BNC2: variants seen among roughly 807,000 people sequenced by gnomAD.
The protein encoded by BNC2 is zinc finger protein basonuclin-2.
Under a neutral mutation model 76.3 loss-of-function variants are expected in BNC2, and 20 were observed. The observed-to-expected ratio is 0.26, with a 90% CI of 0.18 to 0.38. The LOEUF is 0.38. Among genes scored for constraint, BNC2 ranks in the 10% least tolerant of loss-of-function variants. BNC2 has a pLI of 1.00. For synonymous variants in BNC2, 582 were observed against 514.8 expected, an observed-to-expected ratio of 1.13 and a Z score of -1.77; for missense variants, 1,382 against 1,399.8, an observed-to-expected ratio of 0.99 and a Z score of 0.20.
At chr9:16,595,295 T>C (rs1820035802) in intron 3 of BNC2, among the ~76,000 whole-genome samples, 1 of 152,150 alleles carries the variant, frequency 6.6e-6, no homozygotes, top group African/African-American at 2.4e-5. Context: ...TAAAAGAATA[T>C]GTTTCTTCAC....
chr9:16,778,645 G>C (rs1280337672), intron 1 of BNC2, among the ~76,000 whole-genome samples: 4 of 152,186 alleles, frequency 2.6e-5, no homozygotes, highest in Non-Finnish European at 4.4e-5. Flanking sequence ...AGTGCACATT[G>C]GACCGCAGAG....
At chr9:16,586,127 T>C (rs1563851243) in intron 3 of BNC2, among the ~76,000 whole-genome samples, 1 of 151,998 alleles carries the variant, frequency 6.6e-6, no homozygotes, top group Non-Finnish European at 1.5e-5. Flanking sequence ...TCAAAGTTTG[T>C]CGTTCACAGA....
intron 3 of BNC2, among the ~76,000 whole-genome samples, chr9:16,615,634 A>G (rs750452989): frequency 6.6e-6 from 1 of 152,168 alleles, no homozygotes; most frequent in Admixed American, 6.5e-5. Context: ...TCGAACCTAT[A>G]AAAACATTCA....
intron 1 of BNC2, among the ~76,000 whole-genome samples, chr9:16,756,488 C>A (rs182335181): frequency 6.6e-6 from 1 of 152,204 alleles, no homozygotes; most frequent in Non-Finnish European, 1.5e-5. Flanking sequence ...CCTTTTTCTC[C>A]CTTCCAATAC....
At chr9:16,728,130 T>G (rs368754184) in intron 2 of BNC2, 133 bp from the exon 3 acceptor site, 13 of 778,458 alleles carry the variant, frequency 1.7e-5, no homozygotes, top group Middle Eastern at 3.5e-4. Flanking sequence ...GGTCAGAGCT[T>G]CTTTCGCACC....
intron 3 of BNC2, among the ~76,000 whole-genome samples, chr9:16,677,731 A>G (rs1822695158): frequency 1.3e-5 from 2 of 152,144 alleles, no homozygotes; most frequent in South Asian, 4.1e-4. Context: ...GGAGAGGGTA[A>G]CCCAGAGCTG....
intron 3 of BNC2, among the ~76,000 whole-genome samples, chr9:16,678,018 T>C (rs951885784): frequency 4.0e-5 from 6 of 151,844 alleles, no homozygotes; most frequent in African/African-American, 1.5e-4. Context: ...TCTGTGACGG[T>C]AGAGGATGAG....
At chr9:16,550,845 C>T (rs954386690) in intron 5 of BNC2, among the ~76,000 whole-genome samples, 2 of 152,170 alleles carry the variant, frequency 1.3e-5, no homozygotes, top group Non-Finnish European at 2.9e-5. Flanking sequence ...CAGTTCCATA[C>T]AAACAACTGT....
rs555306631 is a variant in BNC2 at position 16,468,346 on chromosome 9, T to C, written c.670-30822A>G. On this transcript the variant is annotated intron_variant, in intron 5 of 6. Coordinates refer to ENST00000380672, the MANE Select transcript of BNC2 (RefSeq NM_017637.6). Reference sequence around the variant, plus strand: ...TAGCTAATATGTTTTGAACATTTGTTTTCCACCAAGTATTCTGCTAGGTAT... The same window carrying C: ...TAGCTAATATGTTTTGAACATTTGTCTTCCACCAAGTATTCTGCTAGGTAT... 6.6e-5 allele frequency among the ~76,000 whole-genome samples: 10 copies of C among 152,246 alleles called. No homozygotes were observed. In the South Asian group the frequency reaches 1.9e-3, roughly 28 times the overall value.
In BNC2 at chr9:16,465,615, A is replaced by C. The variant is rs189192001; in HGVS notation, c.670-28091T>G. On this transcript the variant is annotated intron_variant, in intron 5 of 6. Coordinates refer to ENST00000380672, the MANE Select transcript of BNC2 (RefSeq NM_017637.6). ...TTCAAATTACATACACGTACTTACA[A>C]TACTAATATTTAATGCCTTATAAAT... is the stretch of plus-strand genomic sequence containing the variant. 3.9e-5 allele frequency among the ~76,000 whole-genome samples: 6 copies of C among 152,290 alleles called. No homozygotes were observed. In the East Asian group the frequency reaches 1.2e-3, roughly 29 times the overall value.
intron 3 of BNC2, among the ~76,000 whole-genome samples, chr9:16,611,868 T>C (rs1820556672): frequency 6.6e-6 from 1 of 152,272 alleles, no homozygotes; most frequent in Non-Finnish European, 1.5e-5. Context: ...AAATTTATCA[T>C]ATAAATGTCT....
chr9:16,621,057 T>C (rs184311347), intron 3 of BNC2, among the ~76,000 whole-genome samples: 1 of 152,330 alleles, frequency 6.6e-6, no homozygotes, highest in East Asian at 1.9e-4. Context: ...AAATTGAGCC[T>C]GGTGACAGCA....
chr9:16,539,834 G>A (rs1818264021), intron 5 of BNC2, among the ~76,000 whole-genome samples: 3 of 149,732 alleles, frequency 2.0e-5, no homozygotes, highest in East Asian at 3.9e-4. Context: ...GAAAGGAAGG[G>A]AAGGGAAGGG....
At chr9:16,537,005 C>G (rs1818149991) in intron 5 of BNC2, among the ~76,000 whole-genome samples, 1 of 152,068 alleles carries the variant, frequency 6.6e-6, no homozygotes, top group Admixed American at 6.6e-5. Context: ...ATCTATAAAT[C>G]TCACTACTAT....
At chr9:16,755,308 A>T (rs1404552531) in intron 1 of BNC2, among the ~76,000 whole-genome samples, 1 of 152,156 alleles carries the variant, frequency 6.6e-6, no homozygotes, top group Non-Finnish European at 1.5e-5. Context: ...GAGAATGCAT[A>T]ATCAGTGAAC....
chr9:16,474,857 C>T (rs1563800734), intron 5 of BNC2, among the ~76,000 whole-genome samples: 1 of 152,034 alleles, frequency 6.6e-6, no homozygotes, highest in Non-Finnish European at 1.5e-5. Context: ...CCATGATGAA[C>T]ACCACATGGT....
chr9:16,533,103 G>A (rs1341744132), intron 5 of BNC2, among the ~76,000 whole-genome samples: 3 of 152,138 alleles, frequency 2.0e-5, no homozygotes, highest in South Asian at 2.1e-4. Flanking sequence ...AAAAAGAAGA[G>A]AAAGAGATAA....
At chr9:16,661,527 G>A (rs1046899673) in intron 3 of BNC2, among the ~76,000 whole-genome samples, 4 of 152,080 alleles carry the variant, frequency 2.6e-5, no homozygotes, top group East Asian at 3.9e-4. Flanking sequence ...CATAATTTCC[G>A]AGGCCATTAA....
intron 3 of BNC2, among the ~76,000 whole-genome samples, chr9:16,653,651 C>T (rs2133972252): frequency 6.6e-6 from 1 of 152,212 alleles, no homozygotes; most frequent in Non-Finnish European, 1.5e-5. Flanking sequence ...TGGACATTGG[C>T]ATATCTTGCC....
Sources: allele counts gnomAD v4.1 joint callset (sites outside exome capture counted in the v4.1 genomes callset), GRCh38; gene constraint gnomAD v4.1.1; transcripts MANE v1.5; gene names NCBI Gene and HGNC (gene_info 2026-07-23, HGNC 2026-07-21).